Variants in FBXO11 observed in about 807,000 individuals in gnomAD.
FBXO11 encodes F-box only protein 11.
In FBXO11, 13 loss-of-function variants were observed where a neutral mutation model predicts 117.0. The ratio of observed to expected loss-of-function variants is 0.11; its 90% CI spans 0.07 to 0.18. FBXO11 has a LOEUF of 0.18. FBXO11 is among the 10% of genes least tolerant of loss of function. The pLI, the probability that FBXO11 is intolerant of heterozygous loss-of-function variation, is 1.00. For missense variants in FBXO11, 767 were observed against 1,164.4 expected, an observed-to-expected ratio of 0.66 and a Z score of 4.97; for synonymous variants, 490 against 380.5, an observed-to-expected ratio of 1.29 and a Z score of -3.35.
Position 47,866,724 on chromosome 2 carries a change from G to A in FBXO11, c.233-26955C>T, listed in dbSNP as rs1422680329. On this transcript the variant is annotated intron_variant, in intron 1 of 22. Transcript: ENST00000403359. ...CCTGACCTCGTGATCTGCCCACCTC[G>A]GCCTCCCAAAGTGCTGGGATTACAG... Among the ~76,000 whole-genome samples the A allele has an allele frequency of 5.9e-5, 9 of 152,050 alleles. 1 individual carries two copies. Among genetic ancestry groups the A allele is most frequent in the East Asian group, 3.9e-4 (2 of 5,180 alleles).
Position 47,896,272 on chromosome 2 carries a change from T to C in FBXO11, c.232+9217A>G, listed in dbSNP as rs1048955049. Among the ~76,000 whole-genome samples, 12 of 152,050 alleles carry C rather than the reference T, an allele frequency of 7.9e-5. 1 individual carries two copies. The highest frequency in any genetic ancestry group is 2.9e-4 in the African/African-American group (12 of 41,494). On this transcript the variant is annotated intron_variant, in intron 1 of 22. Coordinates refer to ENST00000403359, the MANE Select transcript of FBXO11 (RefSeq NM_001190274.2). The stretch of plus-strand genomic sequence containing the variant: ...TTACTCTCCCCCTCCCCCAATACTT[T>C]ATTTGCCTCTGAAGAATCACTCCTA...
In FBXO11 at chr2:47,906,008, G is replaced by T. The variant is rs1043436289; in HGVS notation, c.-288C>A. On this transcript the variant is annotated 5_prime_UTR_variant, in exon 1 of 23. Transcript: ENST00000403359. ...CCGCGAGGGACGAAGGCAGAAAGACGGGCAGACCGAGAGAAAGAAAGAAAG... is the reference window on the plus strand; with the variant it reads ...CCGCGAGGGACGAAGGCAGAAAGACTGGCAGACCGAGAGAAAGAAAGAAAG... 2 of 339,378 alleles carry T rather than the reference G, an allele frequency of 5.9e-6. No individual in the cohort carries two copies. Among genetic ancestry groups the T allele is most frequent in the African/African-American group, 2.2e-5 (1 of 45,976 alleles). The allele number at this position is 339,378 out of a possible 1,614,324, so 21.0% of individuals were successfully genotyped here. A position where few individuals can be genotyped will look rare whatever the true frequency, so the allele number is the denominator to read the frequency against.
chr2:47,859,771 G>C (rs555266542), intron 1 of FBXO11, among the ~76,000 whole-genome samples: 47 of 152,188 alleles, frequency 3.1e-4, no homozygotes, highest in African/African-American at 9.4e-4. Context: ...TTAAGACAAG[G>C]ATATTCTTAA....
intron 11 of FBXO11, among the ~76,000 whole-genome samples, chr2:47,826,347 G>A (rs183089355): frequency 1.2e-3 from 190 of 152,162 alleles, no homozygotes; most frequent in African/African-American, 4.3e-3. Flanking sequence ...GTGAGCCACC[G>A]CGCCCAGCTG....
intron 11 of FBXO11, among the ~76,000 whole-genome samples, chr2:47,826,508 G>GT (rs1671766456): frequency 6.6e-6 from 1 of 151,900 alleles, no homozygotes; most frequent in Non-Finnish European, 1.5e-5. Flanking sequence ...CCAGTTTTAG[G>GT]TATTATCCAC....
rs760270977 is a variant in FBXO11 at position 47,832,796 on chromosome 2, G to A, written c.1126C>T (p.His376Tyr). ...GTACATGTACTTCGGATGATACAGT[G>A]ATCAATAATAGGGCTACAATTTACT... ...ITVNCSPIIDHCIIRSTCTVG... is the reference protein window; with the variant it reads ...ITVNCSPIIDYCIIRSTCTVG... The change falls in exon 9 of 23, where the codon CAC (histidine) becomes TAC (tyrosine). Residue 376 changes from histidine to tyrosine, a missense_variant. Around this residue, in one of 10 missense-constraint regions of FBXO11, gnomAD observed 123 missense variants for 145.0 expected, o/e 0.85. Transcript: ENST00000403359. 5.0e-6 allele frequency: 8 copies of A among 1,613,376 alleles called. No homozygotes were observed. Among genetic ancestry groups the A allele is most frequent in the Non-Finnish European group, 6.8e-6 (8 of 1,179,472 alleles).
intron 1 of FBXO11, among the ~76,000 whole-genome samples, chr2:47,880,100 A>G (rs1676328690): frequency 6.6e-6 from 1 of 151,496 alleles, no homozygotes; most frequent in African/African-American, 2.4e-5. Context: ...GGCTCGAGAG[A>G]TTCTCCCACC....
chr2:47,893,268 T>C (rs1677399324), intron 1 of FBXO11, among the ~76,000 whole-genome samples: 1 of 152,156 alleles, frequency 6.6e-6, no homozygotes, highest in South Asian at 2.1e-4. Flanking sequence ...TTTAACATAC[T>C]CTGCTGGTCT....
At chr2:47,888,466 T>C (rs1677032248) in intron 1 of FBXO11, among the ~76,000 whole-genome samples, 1 of 152,238 alleles carries the variant, frequency 6.6e-6, no homozygotes, top group Non-Finnish European at 1.5e-5. Flanking sequence ...TAATCTTCTT[T>C]AGTGGACCAT....
rs1373677826 is a variant in FBXO11 at position 47,905,616 on chromosome 2, C to G, written c.105G>C (p.Pro35=). The G allele has an allele frequency of 1.5e-5, 20 of 1,368,058 alleles. No homozygotes were observed. The highest frequency in any genetic ancestry group is 1.9e-5 in the Non-Finnish European group (20 of 1,058,434). The allele number at this position is 1,368,058 out of a possible 1,614,324, so 84.7% of individuals were successfully genotyped here. A position where few individuals can be genotyped will look rare whatever the true frequency, so the allele number is the denominator to read the frequency against. The change falls in exon 1 of 23, where the codon CCG becomes CCC. Residue 35 remains proline, a synonymous_variant. Transcript: ENST00000403359. ...GCTGCTGGGGCGGCTGCTGCTGGGG[C>G]GGCTGCGGCGGCGGCTGCTGCGGGG... ...QQPPQQPPPQ[P]PQQQPPQQQP...
At chr2:47,824,849 C>G (rs1026407059) in intron 11 of FBXO11, among the ~76,000 whole-genome samples, 12 of 152,184 alleles carry the variant, frequency 7.9e-5, no homozygotes, top group Admixed American at 5.9e-4. Context: ...ATCCTTAGGC[C>G]AAAGACTAAA....
chr2:47,902,227 C>T (rs1678350926), intron 1 of FBXO11, among the ~76,000 whole-genome samples: 1 of 152,224 alleles, frequency 6.6e-6, no homozygotes, highest in African/African-American at 2.4e-5. Context: ...AGCCATTGCT[C>T]TGGGCCTGTA....
Position 47,905,628 on chromosome 2 carries a change from C to A in FBXO11, c.93G>T (p.Pro31=), listed in dbSNP as rs1226269068. The part of the protein sequence containing the change: ...QQQQQQPPQQ[P]PPQPPQQQPP... ...GCTGCTGCTGGGGCGGCTGCGGCGG[C>A]GGCTGCTGCGGGGGCTGCTGCTGCT... is the stretch of plus-strand genomic sequence containing the variant. Residue 31 remains proline, a synonymous_variant, in exon 1 of 23, where the codon CCG becomes CCT. Coordinates refer to ENST00000403359, the MANE Select transcript of FBXO11 (RefSeq NM_001190274.2). The A allele has an allele frequency of 4.3e-6, 6 of 1,389,514 alleles. No individual in the cohort carries two copies. The highest frequency in any genetic ancestry group is 2.9e-5 in the Admixed American group (1 of 34,720). The allele number at this position is 1,389,514 out of a possible 1,614,324, so 86.1% of individuals were successfully genotyped here. A position where few individuals can be genotyped will look rare whatever the true frequency, so the allele number is the denominator to read the frequency against.
At position 47,807,667 on chromosome 2, in the gene FBXO11, TA is replaced by T. The variant is rs11314400; in HGVS notation, c.*450del. ...CATATTTCTCAATCTGAATACATGT[TA>T]AAAAAAAAAAATCAAAAGGAACGCA... On this transcript the variant is annotated 3_prime_UTR_variant, in exon 23 of 23. Transcript: ENST00000403359. The T allele has an allele frequency of 0.65, 133,506 of 206,916 alleles. 40,834 individuals carry two copies. The highest frequency in any genetic ancestry group is 0.78 in the East Asian group (9,833 of 12,652). 12.8% of individuals were successfully genotyped at this position (206,916 alleles called of 1,614,324 possible). A position where few individuals can be genotyped will look rare whatever the true frequency, so the allele number is the denominator to read the frequency against.
chr2:47,870,801 T>C lies in FBXO11; in HGVS notation c.233-31032A>G, dbSNP rs183857546. On this transcript the variant is annotated intron_variant, in intron 1 of 22. Coordinates refer to ENST00000403359, the MANE Select transcript of FBXO11 (RefSeq NM_001190274.2). Reference sequence around the variant, plus strand: ...TTACTTATCTACATTCAGACTGATATGTGGAACACACAGGCTGTCACCAAC... The same window carrying C: ...TTACTTATCTACATTCAGACTGATACGTGGAACACACAGGCTGTCACCAAC... Among the ~76,000 whole-genome samples the C allele has an allele frequency of 4.1e-4, 63 of 152,340 alleles. 2 individuals carry two copies. Among genetic ancestry groups the C allele is most frequent in the Admixed American group, 3.7e-3 (57 of 15,304 alleles).
At chr2:47,893,489 C>G (rs1447337871) in intron 1 of FBXO11, among the ~76,000 whole-genome samples, 1 of 151,902 alleles carries the variant, frequency 6.6e-6, no homozygotes, top group African/African-American at 2.4e-5. Context: ...TTAATCTATT[C>G]AATACAAAAG....
intron 11 of FBXO11, among the ~76,000 whole-genome samples, chr2:47,829,923 C>T (rs113422265): frequency 1.5e-4 from 23 of 151,982 alleles, no homozygotes; most frequent in Non-Finnish European, 2.6e-4. Context: ...CTTCAGTGTA[C>T]GTTAGAAATA....
At chr2:47,853,843 T>TA (rs1176760837) in intron 1 of FBXO11, among the ~76,000 whole-genome samples, 1 of 152,164 alleles carries the variant, frequency 6.6e-6, no homozygotes, top group Admixed American at 6.5e-5. Flanking sequence ...CCTGGAGGCT[T>TA]AAAAAAAGTT....
At chr2:47,808,307 A>G (rs371125307) in intron 22 of FBXO11, 22 bp downstream of exon 22, 9 of 1,612,444 alleles carry the variant, frequency 5.6e-6, no homozygotes, top group Middle Eastern at 1.6e-4. Context: ...TGGGTAATAT[A>G]TCAAGCAAGT....
Sources: gnomAD v4.1 joint callset for allele counts (sites outside exome capture counted in the v4.1 genomes callset) on GRCh38, gnomAD v4.1.1 for gene constraint, gnomAD v4.1.1 regional missense constraint, MANE v1.5 for transcripts, NCBI Gene and HGNC (gene_info 2026-07-23, HGNC 2026-07-21) for gene names.